The following ABRA variants were observed in gnomAD, a reference collection of about 807,000 sequenced individuals.
ABRA encodes the protein actin-binding Rho-activating protein.
ABRA carries 25 observed loss-of-function variants against 33.4 expected under a neutral mutation model. The observed-to-expected ratio is 0.75, with a 90% CI of 0.55 to 1.04. ABRA has a LOEUF of 1.04. Among genes scored for constraint, ABRA ranks in the 50% least tolerant of loss-of-function variants. The probability of loss-of-function intolerance (pLI) is 0.00; values close to 1 mark genes in which losing one functional copy is unlikely to be tolerated. For missense variants in ABRA, 501 were observed against 491.7 expected (o/e 1.02, Z -0.18); for synonymous variants, 193 against 176.8 (o/e 1.09, Z -0.73).
At position 106,760,935 on chromosome 8, in the gene ABRA, A is replaced by G; in HGVS notation, c.*102T>C. ...GTCGTTTATGTAAAAATTGTTTAAT[A>G]TTTACTAACTTATTACAGAGAGTTT... is the stretch of plus-strand genomic sequence containing the variant. On this transcript the variant is annotated 3_prime_UTR_variant, in exon 2 of 2. Coordinates refer to ENST00000311955, the MANE Select transcript of ABRA (RefSeq NM_139166.5). 9.4e-7 allele frequency: 1 copy of G among 1,065,330 alleles called. No individual in the cohort carries two copies. Among genetic ancestry groups the G allele is most frequent in the Non-Finnish European group, 1.4e-6 (1 of 724,914 alleles). The allele number at this position is 1,065,330 out of a possible 1,614,324, so 66.0% of individuals were successfully genotyped here.
chr8:106,769,735 G>A lies in ABRA; in HGVS notation c.456C>T (p.His152=). 1.2e-6 allele frequency: 2 copies of A among 1,614,046 alleles called. No individual in the cohort carries two copies. The highest frequency in any genetic ancestry group is 1.7e-6 in the Non-Finnish European group (2 of 1,179,950). ...QPENDIDRIL[H]SHGSPTRRRK... ...TCCTCCGCGTTGGGGAGCCGTGGCT[G>A]TGGAGGATTCTGTCAATGTCATTCT... Residue 152 remains histidine, a synonymous_variant, in exon 1 of 2, where the codon CAC becomes CAT. Transcript: ENST00000311955.
At position 106,769,759 on chromosome 8, in the gene ABRA, C is replaced by T. The variant is rs1292784845; in HGVS notation, c.432G>A (p.Glu144=). The change falls in exon 1 of 2, where the codon GAG becomes GAA. Residue 144 remains glutamate (E), a synonymous_variant. Coordinates refer to ENST00000311955, the MANE Select transcript of ABRA (RefSeq NM_139166.5). The stretch of plus-strand genomic sequence containing the variant: ...TGTGGAGGATTCTGTCAATGTCATT[C>T]TCTGGCTGCCCAGGTTCAAGCACAC... The part of the protein sequence containing the change: ...DAGVLEPGQP[E]NDIDRILHSH... 1.2e-6 allele frequency: 2 copies of T among 1,614,216 alleles called. No homozygotes were observed. The highest frequency in any genetic ancestry group is 2.2e-5 in the East Asian group (1 of 44,882).
At chr8:106,768,515 T>C (rs1200977499) in intron 1 of ABRA, among the ~76,000 whole-genome samples, 3 of 152,258 alleles carry the variant, frequency 2.0e-5, no homozygotes, top group Non-Finnish European at 4.4e-5. Flanking sequence ...TTTTCGTGTA[T>C]TGAGCATATG....
At chr8:106,763,975 A>C (rs1836173234) in intron 1 of ABRA, among the ~76,000 whole-genome samples, 1 of 152,234 alleles carries the variant, frequency 6.6e-6, no homozygotes, top group African/African-American at 2.4e-5. Flanking sequence ...TTTTATAATG[A>C]AAATAAAGTA....
rs958349725 is a variant in ABRA at position 106,760,054 on chromosome 8, T to G, written c.*983A>C. The stretch of plus-strand genomic sequence containing the variant: ...TGATTCTATGGGATTTTTCTAATAC[T>G]GAACATTCCACTTCATAGATTTTCT... On this transcript the variant is annotated 3_prime_UTR_variant, in exon 2 of 2. Transcript: ENST00000311955. The G allele has an allele frequency of 1.3e-5, 2 of 152,264 alleles. No individual in the cohort carries two copies. The highest frequency in any genetic ancestry group is 4.8e-5 in the African/African-American group (2 of 41,466). 9.4% of individuals were successfully genotyped at this position (152,264 alleles called of 1,614,324 possible). A position where few individuals can be genotyped will look rare whatever the true frequency, so the allele number is the denominator to read the frequency against.
intron 1 of ABRA, among the ~76,000 whole-genome samples, chr8:106,762,751 C>T (rs1216940392): frequency 6.6e-6 from 1 of 152,082 alleles, no homozygotes; most frequent in Non-Finnish European, 1.5e-5. Flanking sequence ...TGCAGCAAGC[C>T]ACCATGGCAC....
chr8:106,769,094 A>T (rs1810553498), intron 1 of ABRA, among the ~76,000 whole-genome samples: 1 of 152,212 alleles, frequency 6.6e-6, no homozygotes, highest in African/African-American at 2.4e-5. Context: ...AAGCAGACGT[A>T]TCTCCTGATA....
chr8:106,761,316 G>A lies in ABRA; in HGVS notation c.867C>T (p.Pro289=). The change falls in exon 2 of 2, where the codon CCC becomes CCT. Residue 289 remains proline, a synonymous_variant. Transcript: ENST00000311955. ...LHKGDEGYGR[P]KEGTKTAERA... Reference sequence around the variant, plus strand: ...TTTCAGCAGTTTTGGTTCCTTCTTTGGGGCGGCCATAGCCCTCATCTCCTT... The same window carrying A: ...TTTCAGCAGTTTTGGTTCCTTCTTTAGGGCGGCCATAGCCCTCATCTCCTT... 6.2e-7 allele frequency: 1 copy of A among 1,614,114 alleles called. No individual in the cohort carries two copies. The highest frequency in any genetic ancestry group is 8.5e-7 in the Non-Finnish European group (1 of 1,180,034).
In ABRA at chr8:106,769,824, C is replaced by G; in HGVS notation, c.367G>C (p.Asp123His). Residue 123 changes from aspartate to histidine, a missense_variant, in exon 1 of 2, where the codon GAC becomes CAC. Transcript: ENST00000311955. ...VVSKTYERGG[D>H]VSHLSHRYER... ...TACCTGTGGCTGAGGTGGCTCACGTCCCCTCCTCTCTCATAAGTCTTGCTG... is the reference window on the plus strand; with the variant it reads ...TACCTGTGGCTGAGGTGGCTCACGTGCCCTCCTCTCTCATAAGTCTTGCTG... The G allele has an allele frequency of 1.2e-6, 2 of 1,614,160 alleles. No individual in the cohort carries two copies. The highest frequency in any genetic ancestry group is 1.7e-6 in the Non-Finnish European group (2 of 1,180,024).
At chr8:106,762,756 T>C (rs1485523129) in intron 1 of ABRA, among the ~76,000 whole-genome samples, 1 of 152,304 alleles carries the variant, frequency 6.6e-6, no homozygotes, top group East Asian at 1.9e-4. Context: ...CAAGCCACCA[T>C]GGCACACATT....
chr8:106,764,284 A>G (rs1836179080), intron 1 of ABRA, among the ~76,000 whole-genome samples: 1 of 152,196 alleles, frequency 6.6e-6, no homozygotes, highest in African/African-American at 2.4e-5. Context: ...TTAATTAGGA[A>G]CTTAGTTTCC....
intron 1 of ABRA, 121 bp downstream of exon 1, chr8:106,769,402 T>C: frequency 7.4e-7 from 1 of 1,357,112 alleles, no homozygotes; most frequent in Non-Finnish European, 1.0e-6. Context: ...TCACTGCCTG[T>C]CCAGTCTTTG....
At chr8:106,768,555 C>T (rs1168685533) in intron 1 of ABRA, among the ~76,000 whole-genome samples, 1 of 152,160 alleles carries the variant, frequency 6.6e-6, no homozygotes, top group South Asian at 2.1e-4. Context: ...TAGCCCTAAT[C>T]TCATTTACGT....
chr8:106,762,413 T>C (rs1057239881), intron 1 of ABRA, among the ~76,000 whole-genome samples: 1 of 152,182 alleles, frequency 6.6e-6, no homozygotes, highest in Non-Finnish European at 1.5e-5. Context: ...ATACAGTGTC[T>C]AATAAAGGAA....
chr8:106,761,257 T>G lies in ABRA; in HGVS notation c.926A>C (p.Glu309Ala). The G allele has an allele frequency of 6.2e-7, 1 of 1,614,206 alleles. No individual in the cohort carries two copies. Among genetic ancestry groups the G allele is most frequent in the Non-Finnish European group, 8.5e-7 (1 of 1,180,046 alleles). Residue 309 changes from glutamate (E) to alanine (A), a missense_variant, in exon 2 of 2, where the codon GAA becomes GCA. By Grantham distance (107) the Glu-to-Ala change is moderately radical. Transcript: ENST00000311955. The part of the protein sequence containing the change: ...AKRAEEHIYR[E>A]MMDMCFIICT... ...GATAATGAAGCACATGTCCATCATT[T>G]CCCTGTAGATGTGCTCCTCAGCACG... is the stretch of plus-strand genomic sequence containing the variant.
Position 106,760,084 on chromosome 8 carries a change from T to G in ABRA, c.*953A>C, listed in dbSNP as rs1836114592. Reference sequence around the variant, plus strand: ...ATTCCACTTCATAGATTTTCTGTATTTCTCCATTGTTGGAGAAATACATAT... The same window carrying G: ...ATTCCACTTCATAGATTTTCTGTATGTCTCCATTGTTGGAGAAATACATAT... On this transcript the variant is annotated 3_prime_UTR_variant, in exon 2 of 2. Transcript: ENST00000311955. 6.6e-6 allele frequency: 1 copy of G among 152,234 alleles called. No homozygotes were observed. The allele number at this position is 152,234 out of a possible 1,614,324, so 9.4% of individuals were successfully genotyped here.
intron 1 of ABRA, among the ~76,000 whole-genome samples, chr8:106,762,124 T>G (rs1836147905): frequency 6.6e-6 from 1 of 152,212 alleles, no homozygotes; most frequent in Non-Finnish European, 1.5e-5. Flanking sequence ...TCTAAATGCT[T>G]TATTAATATT....
chr8:106,763,859 T>A (rs1374828968), intron 1 of ABRA, among the ~76,000 whole-genome samples: 1 of 152,242 alleles, frequency 6.6e-6, no homozygotes, highest in Non-Finnish European at 1.5e-5. Context: ...TAATGCATCC[T>A]GGCTTTAAAC....
chr8:106,760,976 C>T lies in ABRA; in HGVS notation c.*61G>A, dbSNP rs1836126896. The T allele has an allele frequency of 2.8e-6, 4 of 1,426,372 alleles. No individual in the cohort carries two copies. In the Admixed American group the frequency reaches 7.7e-5, roughly 27 times the overall value. The allele number at this position is 1,426,372 out of a possible 1,614,324, so 88.4% of individuals were successfully genotyped here. A position where few individuals can be genotyped will look rare whatever the true frequency, so the allele number is the denominator to read the frequency against. On this transcript the variant is annotated 3_prime_UTR_variant, in exon 2 of 2. Transcript: ENST00000311955. ...CAGAGAGTTTGCATTTTCATTTTACCTACATGAGCATTTAGCATTAAGACC... is the reference window on the plus strand; with the variant it reads ...CAGAGAGTTTGCATTTTCATTTTACTTACATGAGCATTTAGCATTAAGACC...
Sources: gnomAD v4.1 joint callset for allele counts (sites outside exome capture counted in the v4.1 genomes callset) on GRCh38, gnomAD v4.1.1 for gene constraint, MANE v1.5 for transcripts, NCBI Gene and HGNC (gene_info 2026-07-23, HGNC 2026-07-21) for gene names.